The following CCSER1 variants were observed in gnomAD, a reference collection of about 807,000 sequenced individuals.
CCSER1 encodes serine-rich coiled-coil domain-containing protein 1.
A neutral mutation model predicts 82.0 loss-of-function variants in CCSER1; 41 were observed. The ratio of observed to expected loss-of-function variants is 0.50; its 90% CI spans 0.39 to 0.65. The LOEUF is 0.65. Ranked by LOEUF, CCSER1 falls within the 30% of genes least tolerant of loss-of-function variation. CCSER1 has a pLI of 0.00. For missense variants in CCSER1, 1,119 were observed against 1,064.2 expected, an observed-to-expected ratio of 1.05 and a Z score of -0.72; for synonymous variants, 414 against 383.9, an observed-to-expected ratio of 1.08 and a Z score of -0.92.
chr4:91,190,476 A>G (rs1184189454), intron 10 of CCSER1, among the ~76,000 whole-genome samples: 1 of 152,210 alleles, frequency 6.6e-6, no homozygotes, highest in African/African-American at 2.4e-5. Flanking sequence ...GCAAATGCAG[A>G]CAATCTAAGC....
At chr4:91,441,911 C>A (rs1363319309) in intron 10 of CCSER1, among the ~76,000 whole-genome samples, 1 of 152,084 alleles carries the variant, frequency 6.6e-6, no homozygotes, top group African/African-American at 2.4e-5. Context: ...ATCCAACTTA[C>A]AAGGGATGTG....
chr4:90,913,874 A>G (rs1726848921), intron 8 of CCSER1, among the ~76,000 whole-genome samples: 1 of 152,180 alleles, frequency 6.6e-6, no homozygotes, highest in Admixed American at 6.5e-5. Context: ...CTTTAAACCA[A>G]CAAAAATCAA....
chr4:91,238,860 G>T (rs1391792658), intron 10 of CCSER1, among the ~76,000 whole-genome samples: 7 of 151,708 alleles, frequency 4.6e-5, no homozygotes, highest in African/African-American at 1.7e-4. Flanking sequence ...GTCTCGCATG[G>T]TCACCCAGGC....
At chr4:90,338,480 C>G (rs1440774503) in intron 3 of CCSER1, among the ~76,000 whole-genome samples, 1 of 152,140 alleles carries the variant, frequency 6.6e-6, no homozygotes, top group Admixed American at 6.5e-5. Flanking sequence ...AGAAGCAAAA[C>G]CCACAATATA....
intron 10 of CCSER1, among the ~76,000 whole-genome samples, chr4:91,579,552 G>A (rs1460901199): frequency 6.6e-6 from 1 of 151,798 alleles, no homozygotes; most frequent in Non-Finnish European, 1.5e-5. Context: ...GTCTCTCAGA[G>A]AATAAGCTAG....
intron 9 of CCSER1, among the ~76,000 whole-genome samples, chr4:91,042,779 A>AGG (rs1009735056): frequency 2.0e-4 from 30 of 152,286 alleles, no homozygotes; most frequent in African/African-American, 7.2e-4. Context: ...AACACATTAC[A>AGG]GGGGGGAAAA....
At chr4:90,745,729 A>T (rs1314809692) in intron 7 of CCSER1, among the ~76,000 whole-genome samples, 4 of 111,644 alleles carry the variant, frequency 3.6e-5, no homozygotes, top group Non-Finnish European at 5.0e-5. Flanking sequence ...TTGCTCTGCC[A>T]CCCAGGCTGG....
intron 10 of CCSER1, among the ~76,000 whole-genome samples, chr4:91,349,961 G>A (rs574755451): frequency 7.9e-5 from 12 of 151,998 alleles, no homozygotes; most frequent in African/African-American, 2.7e-4. Context: ...CCATTTTAGG[G>A]AGCAATATAT....
At chr4:91,248,765 T>C (rs139940959) in intron 10 of CCSER1, among the ~76,000 whole-genome samples, 5 of 148,094 alleles carry the variant, frequency 3.4e-5, no homozygotes, top group African/African-American at 1.0e-4. Flanking sequence ...ATATCGACTT[T>C]AGTTAATAAT....
intron 6 of CCSER1, among the ~76,000 whole-genome samples, chr4:90,700,808 T>C (rs1328236574): frequency 6.6e-6 from 1 of 152,228 alleles, no homozygotes; most frequent in Non-Finnish European, 1.5e-5. Context: ...TGACTGTTCA[T>C]ATCCTTGCCC....
chr4:90,958,508 G>C (rs1304358458), intron 9 of CCSER1, among the ~76,000 whole-genome samples: 1 of 148,692 alleles, frequency 6.7e-6, no homozygotes, highest in African/African-American at 2.5e-5. Context: ...TTTTTTTTCT[G>C]CACTGACATT....
intron 10 of CCSER1, among the ~76,000 whole-genome samples, chr4:91,375,661 A>C (rs1165439869): frequency 2.0e-5 from 3 of 152,136 alleles, no homozygotes; most frequent in Non-Finnish European, 4.4e-5. Context: ...TGATAGAAAC[A>C]ACTTTAGTAA....
At chr4:90,317,476 G>C (rs551040792) in intron 3 of CCSER1, among the ~76,000 whole-genome samples, 73 of 152,242 alleles carry the variant, frequency 4.8e-4, no homozygotes, top group African/African-American at 1.4e-3. Flanking sequence ...ACAAAAATTA[G>C]CTGGGCATGG....
At chr4:90,152,600 A>G (rs1459748157) in intron 1 of CCSER1, among the ~76,000 whole-genome samples, 1 of 152,184 alleles carries the variant, frequency 6.6e-6, no homozygotes, top group Non-Finnish European at 1.5e-5. Context: ...ATTCAAGCAC[A>G]GTGGATTATG....
chr4:91,378,272 TC>T (rs1481054577), intron 10 of CCSER1, among the ~76,000 whole-genome samples: 6 of 152,228 alleles, frequency 3.9e-5, no homozygotes, highest in Admixed American at 2.6e-4. Flanking sequence ...AGTAGATTTT[TC>T]CAATTCTGTG....
At chr4:91,302,839 G>A (rs1351122897) in intron 10 of CCSER1, among the ~76,000 whole-genome samples, 6 of 149,696 alleles carry the variant, frequency 4.0e-5, no homozygotes, top group Non-Finnish European at 7.4e-5. Context: ...TTTGTAAATC[G>A]GTGCAAATTT....
chr4:90,155,305 A>C (rs1031565112), intron 1 of CCSER1, among the ~76,000 whole-genome samples: 33 of 152,224 alleles, frequency 2.2e-4, no homozygotes, highest in African/African-American at 7.5e-4. Context: ...GGATTTTTGC[A>C]TCAATGTTCA....
intron 6 of CCSER1, among the ~76,000 whole-genome samples, chr4:90,645,199 G>A (rs751327258): frequency 2.0e-5 from 3 of 151,950 alleles, no homozygotes; most frequent in Non-Finnish European, 4.4e-5. Context: ...TTGTTTCATA[G>A]CAAATTTTGG....
intron 1 of CCSER1, among the ~76,000 whole-genome samples, chr4:90,189,191 T>C (rs1057151700): frequency 6.6e-6 from 1 of 151,932 alleles, no homozygotes; most frequent in Non-Finnish European, 1.5e-5. Context: ...GAAGGAAGTA[T>C]GTATTTAGAA....
Sources: gnomAD v4.1 joint callset for allele counts (sites outside exome capture counted in the v4.1 genomes callset) on GRCh38, gnomAD v4.1.1 for gene constraint, MANE v1.5 for transcripts, NCBI Gene and HGNC (gene_info 2026-07-23, HGNC 2026-07-21) for gene names.